MARCHF6: variants seen among roughly 807,000 people sequenced by gnomAD.
MARCHF6 encodes the protein E3 ubiquitin-protein ligase MARCHF6.
Under a neutral mutation model 133.7 loss-of-function variants are expected in MARCHF6, and 31 were observed. The ratio of observed to expected loss-of-function variants is 0.23; its 90% CI spans 0.17 to 0.31. The LOEUF (loss-of-function observed/expected upper bound fraction) is 0.31, where lower values mean the gene tolerates loss of function less well. Among genes scored for constraint, MARCHF6 ranks in the 10% least tolerant of loss-of-function variants. MARCHF6 has a pLI of 1.00. For synonymous variants in MARCHF6, 395 were observed against 402.5 expected (o/e 0.98, Z 0.22); for missense variants, 723 against 1,121.6 (o/e 0.64, Z 5.08).
chr5:10,414,177 T>C (rs1032669986), intron 19 of MARCHF6, among the ~76,000 whole-genome samples: 1 of 152,202 alleles, frequency 6.6e-6, no homozygotes, highest in African/African-American at 2.4e-5. Flanking sequence ...ATGTTTTTTT[T>C]TTATGCTCTC....
At chr5:10,386,061 A>G (rs1737457158) in intron 4 of MARCHF6, among the ~76,000 whole-genome samples, 1 of 151,766 alleles carries the variant, frequency 6.6e-6, no homozygotes, top group South Asian at 2.1e-4. Context: ...AGCACTCTGT[A>G]GTAAGAAGGC....
Position 10,438,979 on chromosome 5 carries a change from T to C in MARCHF6, c.*5295T>C, listed in dbSNP as rs1444326478. ...TTGTTTAGTTATCATTTTGAAACTT[T>C]TCTTCACATATGTAACAGTGCCGGA... On this transcript the variant is annotated 3_prime_UTR_variant, in exon 26 of 26. Transcript: ENST00000274140. 6.6e-6 allele frequency: 1 copy of C among 152,250 alleles called. No individual in the cohort carries two copies. The highest frequency in any genetic ancestry group is 1.5e-5 in the Non-Finnish European group (1 of 68,046). 9.4% of individuals were successfully genotyped at this position (152,250 alleles called of 1,614,324 possible).
intron 24 of MARCHF6, among the ~76,000 whole-genome samples, chr5:10,428,832 T>A (rs1740226213): frequency 6.6e-6 from 1 of 152,214 alleles, no homozygotes; most frequent in African/African-American, 2.4e-5. Context: ...ATTCATGTTT[T>A]CATTTTTAAA....
chr5:10,358,041 C>T lies in MARCHF6; in HGVS notation c.19+4124C>T, dbSNP rs1033940069. Reference sequence around the variant, plus strand: ...GGAGTGCAGTGGCGCGATCTTGGCTCACTAGGGGTCGCAGTTTTAAATATA... The same window carrying T: ...GGAGTGCAGTGGCGCGATCTTGGCTTACTAGGGGTCGCAGTTTTAAATATA... On this transcript the variant is annotated intron_variant, in intron 1 of 25. Coordinates refer to ENST00000274140, the MANE Select transcript of MARCHF6 (RefSeq NM_005885.4). Among the ~76,000 whole-genome samples the T allele has an allele frequency of 2.0e-5, 3 of 146,512 alleles. No individual in the cohort carries two copies. The South Asian group carries it at 6.6e-4, about 32-fold the overall frequency.
rs752654046 is a variant in MARCHF6 at position 10,433,616 on chromosome 5, G to C, written c.2665G>C (p.Val889Leu). ...TAGGTACCTTGTGGGTCAACGACTC[G>C]TGAACTACGAACGGAAATCTGGCAA... ...NDKYLVGQRLVNYERKSGKQG... is the reference protein window; with the variant it reads ...NDKYLVGQRLLNYERKSGKQG... Residue 889 changes from valine to leucine, a missense_variant, in exon 26 of 26, where the codon GTG becomes CTG. This residue lies in a region of MARCHF6 where 492 missense variants were observed against 699.5 expected (regional missense o/e 0.70). Transcript: ENST00000274140. 1 of 1,614,106 alleles carries C rather than the reference G, an allele frequency of 6.2e-7. No homozygotes were observed. The highest frequency in any genetic ancestry group is 8.5e-7 in the Non-Finnish European group (1 of 1,179,962).
chr5:10,397,361 C>CT lies in MARCHF6; in HGVS notation c.913+28dup, dbSNP rs760107187. 53,840 of 1,142,396 alleles carry CT rather than the reference C, an allele frequency of 0.047. 38 individuals carry two copies. Among genetic ancestry groups the CT allele is most frequent in the Non-Finnish European group, 0.052 (44,193 of 848,864 alleles). The allele number at this position is 1,142,396 out of a possible 1,614,324, so 70.8% of individuals were successfully genotyped here. A position where few individuals can be genotyped will look rare whatever the true frequency, so the allele number is the denominator to read the frequency against. ...TTGTTTTTGGTAAGTTGTGTTTGTGCTTTTTTTTTTTATAGTATTATGGTA... is the reference window on the plus strand; with the variant it reads ...TTGTTTTTGGTAAGTTGTGTTTGTGCTTTTTTTTTTTTATAGTATTATGGTA... On this transcript the variant is annotated intron_variant, in intron 10 of 25. Transcript: ENST00000274140.
At chr5:10,358,865 TACAC>T (rs760006107) in intron 1 of MARCHF6, among the ~76,000 whole-genome samples, 29 of 152,330 alleles carry the variant, frequency 1.9e-4, no homozygotes, top group East Asian at 9.6e-4. Context: ...TATCAAAACT[TACAC>T]ACACAAACAT....
chr5:10,379,676 T>A (rs569902200), intron 3 of MARCHF6, among the ~76,000 whole-genome samples: 192 of 152,276 alleles, frequency 1.3e-3, no homozygotes, highest in Non-Finnish European at 2.2e-3. Flanking sequence ...TTAGCCAGGA[T>A]GGTCTCGATC....
chr5:10,366,633 G>T (rs1271505006), intron 1 of MARCHF6, among the ~76,000 whole-genome samples: 3 of 152,170 alleles, frequency 2.0e-5, no homozygotes, highest in Non-Finnish European at 2.9e-5. Flanking sequence ...AAGAAAAAGA[G>T]GGCTCCCTGC....
chr5:10,412,471 A>T (rs920213510), intron 19 of MARCHF6, among the ~76,000 whole-genome samples: 7 of 152,192 alleles, frequency 4.6e-5, no homozygotes, highest in Admixed American at 1.3e-4. Context: ...ACATTGAGAG[A>T]CCTGTCAGAG....
chr5:10,378,899 A>G (rs1244790641), intron 3 of MARCHF6, 67 bp downstream of exon 3: 9 of 1,010,826 alleles, frequency 8.9e-6, no homozygotes, highest in African/African-American at 1.6e-5. Flanking sequence ...GGTGTTTGAT[A>G]TGATCAGTTG....
rs35378319 is a variant in MARCHF6, at chr5:10,391,436, G to GTTTTTTT, written c.577-84_577-78dup. On this transcript the variant is annotated intron_variant, in intron 6 of 25. Transcript: ENST00000274140. ...GCATGAGCCACTACACCTGGCCTAG[G>GTTTTTTT]TTTTTTTTTTTTTTTTTTTTTTTTT... The GTTTTTTT allele has an allele frequency of 9.8e-5, 30 of 306,398 alleles. 9 individuals carry two copies. The highest frequency in any genetic ancestry group is 3.2e-4 in the South Asian group (11 of 34,324). The allele number at this position is 306,398 out of a possible 1,614,324, so 19.0% of individuals were successfully genotyped here.
chr5:10,416,673 AT>A (rs200779158), intron 21 of MARCHF6, among the ~76,000 whole-genome samples: 7 of 148,582 alleles, frequency 4.7e-5, no homozygotes, highest in South Asian at 2.1e-4. Flanking sequence ...ACTTTAAATC[AT>A]TTTTTTTTTG....
chr5:10,414,589 C>T, intron 20 of MARCHF6, 87 bp downstream of exon 20: 1 of 1,085,036 alleles, frequency 9.2e-7, no homozygotes, highest in East Asian at 2.4e-5. Flanking sequence ...GTTCCCCAGT[C>T]TGGAGGGTAG....
intron 19 of MARCHF6, among the ~76,000 whole-genome samples, chr5:10,413,810 A>G (rs1561141679): frequency 6.6e-6 from 1 of 152,324 alleles, no homozygotes; most frequent in East Asian, 1.9e-4. Context: ...TGATTCAGTT[A>G]TCTCCACCTG....
At chr5:10,420,088 G>T (rs1234864952) in intron 22 of MARCHF6, among the ~76,000 whole-genome samples, 1 of 151,994 alleles carries the variant, frequency 6.6e-6, no homozygotes, top group East Asian at 1.9e-4. Context: ...CTGTTGACTG[G>T]AGCTCCTATA....
chr5:10,402,082 C>T lies in MARCHF6; in HGVS notation c.996C>T (p.Gly332=). Residue 332 remains glycine (G), a synonymous_variant, in exon 12 of 26, where the codon GGC becomes GGT. Coordinates refer to ENST00000274140, the MANE Select transcript of MARCHF6 (RefSeq NM_005885.4). ...EEHVQASHFE[G]LITTIVGYIL... is the part of the protein sequence containing the mutation. ...AGGTCCAAGCATCTCATTTTGAAGG[C>T]CTAATCACAACCATAGTTGGGTATA... The T allele has an allele frequency of 1.2e-6, 2 of 1,609,406 alleles. No homozygotes were observed. The highest frequency in any genetic ancestry group is 1.7e-6 in the Non-Finnish European group (2 of 1,176,082).
chr5:10,367,449 TA>T (rs1038739617), intron 1 of MARCHF6, among the ~76,000 whole-genome samples: 1 of 152,170 alleles, frequency 6.6e-6, no homozygotes, highest in East Asian at 1.9e-4. Context: ...CTGTTAGTAA[TA>T]AAAAATAATT....
intron 25 of MARCHF6, among the ~76,000 whole-genome samples, chr5:10,433,249 T>C (rs1347178521): frequency 6.6e-6 from 1 of 152,230 alleles, no homozygotes. Context: ...GCCCACTAAG[T>C]TGTTTTATAA....
Sources: allele counts gnomAD v4.1 joint callset (sites outside exome capture counted in the v4.1 genomes callset), GRCh38; gene constraint gnomAD v4.1.1; regional missense constraint gnomAD v4.1.1; transcripts MANE v1.5; gene names NCBI Gene and HGNC (gene_info 2026-07-23, HGNC 2026-07-21).